The following ADGRL3 variants were observed in gnomAD, a reference collection of about 807,000 sequenced individuals.
ADGRL3 encodes the protein adhesion G protein-coupled receptor L3.
Under a neutral mutation model 153.5 loss-of-function variants are expected in ADGRL3, and 62 were observed. The ratio of observed to expected loss-of-function variants is 0.40; its 90% CI spans 0.33 to 0.50. The LOEUF (loss-of-function observed/expected upper bound fraction) is 0.50. ADGRL3 is among the 20% of genes least tolerant of loss of function. The pLI, the probability that ADGRL3 is intolerant of heterozygous loss-of-function variation, is 0.47. For missense variants in ADGRL3, 1,641 were observed against 1,859.4 expected (o/e 0.88, Z 2.16); for synonymous variants, 710 against 672.5 (o/e 1.06, Z -0.86).
At chr4:61,526,728 C>A (rs915563537) in intron 4 of ADGRL3, among the ~76,000 whole-genome samples, 1 of 151,920 alleles carries the variant, frequency 6.6e-6, no homozygotes, top group East Asian at 1.9e-4. Flanking sequence ...TGTGCCACTG[C>A]AATTTAGCCT....
rs1032136911 is a variant in ADGRL3, at chr4:61,551,871, G to C, written c.259+34353G>C. 7.9e-5 allele frequency among the ~76,000 whole-genome samples: 12 copies of C among 152,064 alleles called. 1 individual carries two copies. The highest frequency in any genetic ancestry group is 7.2e-4 in the Admixed American group (11 of 15,266). ...AAGGCTGAATTTATGACTGTAAATG[G>C]CACTGTATGTTTATATACACTTATG... On this transcript the variant is annotated intron_variant, in intron 4 of 26. Coordinates refer to ENST00000683033, the MANE Select transcript of ADGRL3 (RefSeq NM_001387552.1).
intron 22 of ADGRL3, 94 bp from the exon 23 acceptor site, chr4:62,031,348 T>C (rs1267819567): frequency 9.6e-7 from 1 of 1,036,708 alleles, no homozygotes; most frequent in Non-Finnish European, 1.4e-6. Flanking sequence ...AAAGTTACTG[T>C]AACATTTTTT....
chr4:61,658,949 G>A (rs1483561582), intron 5 of ADGRL3, among the ~76,000 whole-genome samples: 2 of 152,102 alleles, frequency 1.3e-5, no homozygotes, highest in Non-Finnish European at 1.5e-5. Flanking sequence ...CAGTTCTAGC[G>A]GCTAGAAGTG....
chr4:61,924,106 C>T (rs1045898391), intron 13 of ADGRL3, among the ~76,000 whole-genome samples: 2 of 152,134 alleles, frequency 1.3e-5, no homozygotes, highest in Non-Finnish European at 2.9e-5. Flanking sequence ...TTTTTGAGGT[C>T]ATTAATGACT....
Position 62,072,068 on chromosome 4 carries a change from A to G in ADGRL3, c.*1160A>G, listed in dbSNP as rs1283260272. 1.9e-5 allele frequency: 3 copies of G among 157,768 alleles called. No homozygotes were observed. The highest frequency in any genetic ancestry group is 7.2e-5 in the African/African-American group (3 of 41,486). 9.8% of individuals were successfully genotyped at this position (157,768 alleles called of 1,614,324 possible). A position where few individuals can be genotyped will look rare whatever the true frequency, so the allele number is the denominator to read the frequency against. ...GAAGTCAAAAGGTGTCTATAGAACT[A>G]GTGGGGCTTCTGCATGTGAAAAACG... On this transcript the variant is annotated 3_prime_UTR_variant, in exon 27 of 27. Transcript: ENST00000683033.
intron 5 of ADGRL3, among the ~76,000 whole-genome samples, chr4:61,635,920 G>T (rs568745901): frequency 6.6e-6 from 1 of 151,948 alleles, no homozygotes; most frequent in African/African-American, 2.4e-5. Flanking sequence ...TACCATATTT[G>T]TGTATCACTG....
intron 2 of ADGRL3, among the ~76,000 whole-genome samples, chr4:61,490,329 C>A (rs1054573667): frequency 6.6e-6 from 1 of 151,588 alleles, no homozygotes; most frequent in African/African-American, 2.4e-5. Flanking sequence ...TCTTCATTCT[C>A]TTCCTCATTG....
At chr4:61,883,637 A>C (rs2098520929) in intron 9 of ADGRL3, among the ~76,000 whole-genome samples, 1 of 152,170 alleles carries the variant, frequency 6.6e-6, no homozygotes, top group African/African-American at 2.4e-5. Context: ...TATTGTAAGA[A>C]GATATGTCTG....
intron 1 of ADGRL3, among the ~76,000 whole-genome samples, chr4:61,318,998 C>G (rs1249705829): frequency 6.6e-6 from 1 of 152,024 alleles, no homozygotes; most frequent in Admixed American, 6.6e-5. Context: ...TATTTTTATG[C>G]CCAAGTTAGT....
chr4:61,299,162 C>A (rs751397529), intron 1 of ADGRL3, among the ~76,000 whole-genome samples: 6 of 152,066 alleles, frequency 3.9e-5, no homozygotes, highest in Non-Finnish European at 7.4e-5. Context: ...CATCTTCCCC[C>A]CCTTTTCTGT....
At chr4:61,466,462 A>G (rs1344607853) in intron 2 of ADGRL3, among the ~76,000 whole-genome samples, 1 of 152,218 alleles carries the variant, frequency 6.6e-6, no homozygotes, top group Non-Finnish European at 1.5e-5. Context: ...TAGAAATTAT[A>G]CTTTGTCTGG....
intron 6 of ADGRL3, among the ~76,000 whole-genome samples, chr4:61,717,219 TGCG>T (rs1561115778): frequency 1.2e-4 from 5 of 41,718 alleles, no homozygotes; most frequent in African/African-American, 6.2e-4. Flanking sequence ...TGTGTGTGTG[TGCG>T]TGTGTGTGTG....
intron 4 of ADGRL3, among the ~76,000 whole-genome samples, chr4:61,540,860 T>C (rs1028296630): frequency 1.3e-5 from 2 of 152,198 alleles, no homozygotes; most frequent in African/African-American, 4.8e-5. Context: ...AGGGGCATCT[T>C]TGGGTATACA....
Position 61,996,322 on chromosome 4 carries a change from T to A in ADGRL3, c.3268T>A (p.Trp1090Arg), listed in dbSNP as rs1476285487. The A allele has an allele frequency of 6.2e-7, 1 of 1,613,214 alleles. No homozygotes were observed. Among genetic ancestry groups the A allele is most frequent in the East Asian group, 2.2e-5 (1 of 44,848 alleles). Residue 1090 changes from tryptophan (W) to arginine (R), a missense_variant, in exon 20 of 27, where the codon TGG (tryptophan) becomes AGG (arginine). Trp to Arg is a moderately radical substitution (Grantham distance 101). Transcript: ENST00000683033. ...GCTCCGACTTGACACCTACTTCATT[T>A]GGAGTTTTATAGGACCAGCAACTTT... ...CWLRLDTYFI[W>R]SFIGPATLII...
At chr4:61,373,229 T>C (rs2096561817) in intron 1 of ADGRL3, among the ~76,000 whole-genome samples, 1 of 152,206 alleles carries the variant, frequency 6.6e-6, no homozygotes, top group Non-Finnish European at 1.5e-5. Flanking sequence ...GCTGTTCCTA[T>C]TCGGCCATCT....
chr4:61,463,923 T>C (rs1262081508), intron 2 of ADGRL3, among the ~76,000 whole-genome samples: 1 of 152,182 alleles, frequency 6.6e-6, no homozygotes, highest in Non-Finnish European at 1.5e-5. Flanking sequence ...TGTGTATTTT[T>C]CTGCAACTTG....
At chr4:61,377,702 T>C (rs2096620439) in intron 1 of ADGRL3, among the ~76,000 whole-genome samples, 2 of 151,930 alleles carry the variant, frequency 1.3e-5, no homozygotes, top group South Asian at 4.1e-4. Context: ...TATTCCTCTA[T>C]TCTTTCCTTC....
chr4:61,774,851 G>T (rs1032566679), intron 8 of ADGRL3, among the ~76,000 whole-genome samples: 1 of 152,148 alleles, frequency 6.6e-6, no homozygotes, highest in African/African-American at 2.4e-5. Flanking sequence ...GCTGCTATCG[G>T]TTGTTTCAGG....
chr4:61,251,031 T>C lies in ADGRL3; in HGVS notation c.-240+49266T>C, dbSNP rs550590517. 9.1e-4 allele frequency among the ~76,000 whole-genome samples: 138 copies of C among 152,318 alleles called. 1 individual carries two copies. The highest frequency in any genetic ancestry group is 3.2e-3 in the African/African-American group (133 of 41,590). The stretch of plus-strand genomic sequence containing the variant: ...TAACTAGAGTGATAGTCCATTTATA[T>C]GTTGCTGTATAAAAAACTTCCCAAA... On this transcript the variant is annotated intron_variant, in intron 1 of 26. Coordinates refer to ENST00000683033, the MANE Select transcript of ADGRL3 (RefSeq NM_001387552.1).
Sources: allele counts gnomAD v4.1 joint callset (sites outside exome capture counted in the v4.1 genomes callset), GRCh38; gene constraint gnomAD v4.1.1; transcripts MANE v1.5; gene names NCBI Gene and HGNC (gene_info 2026-07-23, HGNC 2026-07-21).